PDS5A: variants seen among roughly 807,000 people sequenced by gnomAD.
The protein encoded by PDS5A is sister chromatid cohesion protein PDS5 homolog A.
Under a neutral mutation model 167.1 loss-of-function variants are expected in PDS5A, and 42 were observed. The ratio of observed to expected loss-of-function variants is 0.25; its 90% CI spans 0.20 to 0.33. PDS5A has a LOEUF of 0.33. Among genes scored for constraint, PDS5A ranks in the 10% least tolerant of loss-of-function variants. The pLI, the probability that PDS5A is intolerant of heterozygous loss-of-function variation, is 1.00. For missense variants in PDS5A, 1,033 were observed against 1,605.9 expected (o/e 0.64, Z 6.10); for synonymous variants, 553 against 554.6 (o/e 1.00, Z 0.04).
chr4:39,890,731 C>T (rs572320164), intron 16 of PDS5A, among the ~76,000 whole-genome samples: 1 of 152,248 alleles, frequency 6.6e-6, no homozygotes, highest in East Asian at 1.9e-4. Flanking sequence ...ATTCTCCTGC[C>T]TCAGGCTCCA....
intron 17 of PDS5A, among the ~76,000 whole-genome samples, chr4:39,889,829 ATCCTC>A (rs1721810821): frequency 2.0e-5 from 3 of 152,336 alleles, no homozygotes; most frequent in Admixed American, 2.0e-4. Flanking sequence ...CCTAAAGATA[ATCCTC>A]TCCTCTTTCC....
chr4:39,910,422 AT>A, intron 9 of PDS5A, 84 bp from the exon 10 acceptor site: 1 of 692,656 alleles, frequency 1.4e-6, no homozygotes, highest in Non-Finnish European at 2.5e-6. Context: ...GAAAATACTT[AT>A]ACGCAACAAT....
intron 26 of PDS5A, among the ~76,000 whole-genome samples, chr4:39,851,053 CAAT>C (rs1481711150): frequency 6.6e-6 from 1 of 152,078 alleles, no homozygotes; most frequent in Non-Finnish European, 1.5e-5. Context: ...TTGGTTGTTT[CAAT>C]AATATTTATT....
chr4:39,928,825 T>TAAAAAAAAAAAAAAAAAAAATAA (rs201886708), intron 2 of PDS5A, among the ~76,000 whole-genome samples: 1 of 139,378 alleles, frequency 7.2e-6, no homozygotes, highest in African/African-American at 2.7e-5. Flanking sequence ...ACACTGTCTT[T>TAAAAAAAAAAAAAAAAAAAATAA]AAAAAAAAAA....
At chr4:39,873,611 A>G (rs1341354029) in intron 20 of PDS5A, among the ~76,000 whole-genome samples, 1 of 152,086 alleles carries the variant, frequency 6.6e-6, no homozygotes, top group African/African-American at 2.4e-5. Flanking sequence ...TATATGTAAA[A>G]AAAAGGGAAA....
In PDS5A at chr4:39,890,353, G is replaced by A; in HGVS notation, c.1782C>T (p.Ala594=). 1 of 1,561,694 alleles carries A rather than the reference G, an allele frequency of 6.4e-7. No homozygotes were observed. Among genetic ancestry groups the A allele is most frequent in the African/African-American group, 1.3e-5 (1 of 74,278 alleles). The stretch of plus-strand genomic sequence containing the variant: ...GTTGCTTAGGATTTGCAAGTTTCCG[G>A]GCTATTTCTCTCTATAGAAAGAAAG... ...KQADICVREI[A]RKLANPKQPT... is the part of the protein sequence containing the mutation. The change falls in exon 17 of 33, where the codon GCC becomes GCT. Residue 594 remains alanine, a synonymous_variant. Transcript: ENST00000303538.
intron 2 of PDS5A, among the ~76,000 whole-genome samples, chr4:39,964,975 TA>T (rs1366394170): frequency 2.0e-5 from 3 of 152,072 alleles, no homozygotes; most frequent in African/African-American, 7.2e-5. Flanking sequence ...AATAATAATT[TA>T]AAAGTACACA....
intron 2 of PDS5A, among the ~76,000 whole-genome samples, chr4:39,931,030 G>A (rs1726010289): frequency 6.6e-6 from 1 of 152,180 alleles, no homozygotes; most frequent in African/African-American, 2.4e-5. Context: ...GAGAAGGGCT[G>A]GATGTGATGG....
At position 39,920,328 on chromosome 4, in the gene PDS5A, G is replaced by A; in HGVS notation, c.726C>T (p.Cys242=). The A allele has an allele frequency of 6.9e-7, 1 of 1,441,960 alleles. No homozygotes were observed. 89.3% of individuals were successfully genotyped at this position (1,441,960 alleles called of 1,614,324 possible). The change falls in exon 7 of 33, where the codon TGC becomes TGT. Residue 242 remains cysteine, a synonymous_variant. Transcript: ENST00000303538. ...LKRTVQTIEA[C]IANFFNQVLV... ...AGAAAGAAATACATACATTAGCAAT[G>A]CATGCCTCAATAGTCTGGACTGTTC...
chr4:39,897,619 G>A (rs925023164), intron 16 of PDS5A, among the ~76,000 whole-genome samples: 5 of 152,034 alleles, frequency 3.3e-5, no homozygotes, highest in East Asian at 1.9e-4. Context: ...GGCTGGTCTC[G>A]AACTCCCAAC....
chr4:39,955,295 T>C (rs917886409), intron 2 of PDS5A, among the ~76,000 whole-genome samples: 5 of 152,118 alleles, frequency 3.3e-5, no homozygotes, highest in African/African-American at 7.2e-5. Context: ...TGTTGTGATG[T>C]TGGTTTAGAA....
In PDS5A at chr4:39,838,059, C is replaced by T. The variant is rs781408731; in HGVS notation, c.3807G>A (p.Arg1269=). The change falls in exon 32 of 33, where the codon AGG becomes AGA. Residue 1269 remains arginine (R), a synonymous_variant. Transcript: ENST00000303538. ...ATTCAGACTTGGGTCGACGTCCTCT[C>T]CTGGGTTTGGAAGGGGCGGGAGGTC... ...ESGPPAPSKP[R]RGRRPKSESQ... 1.9e-6 allele frequency: 3 copies of T among 1,613,862 alleles called. No homozygotes were observed. Among genetic ancestry groups the T allele is most frequent in the East Asian group, 2.2e-5 (1 of 44,894 alleles).
chr4:39,880,738 G>A (rs1024918853), intron 17 of PDS5A, among the ~76,000 whole-genome samples: 4 of 152,018 alleles, frequency 2.6e-5, no homozygotes. Context: ...TATAATGCAT[G>A]GTGATCAGAT....
chr4:39,841,574 G>A (rs1418892723), intron 31 of PDS5A, among the ~76,000 whole-genome samples: 6 of 140,908 alleles, frequency 4.3e-5, no homozygotes, highest in Admixed American at 7.1e-5. Flanking sequence ...GTACAATGGC[G>A]TTATCTCAGC....
At chr4:39,911,727 G>A (rs1049067885) in intron 9 of PDS5A, among the ~76,000 whole-genome samples, 1 of 151,754 alleles carries the variant, frequency 6.6e-6, no homozygotes, top group Non-Finnish European at 1.5e-5. Flanking sequence ...AGCTGTTTGG[G>A]AGGCTGAGGC....
At chr4:39,896,047 TA>T (rs1228967367) in intron 16 of PDS5A, among the ~76,000 whole-genome samples, 2 of 148,304 alleles carry the variant, frequency 1.3e-5, no homozygotes, top group South Asian at 2.2e-4. Flanking sequence ...TTTTAGCTTT[TA>T]AAAAAATTTT....
At chr4:39,925,954 T>TCA in intron 4 of PDS5A, 21 bp from the exon 5 acceptor site, 1 of 862,364 alleles carries the variant, frequency 1.2e-6, no homozygotes, top group Non-Finnish European at 1.7e-6. Context: ...TAAAAATAAT[T>TCA]ATTGAATTAT....
chr4:39,891,541 G>A (rs957441106), intron 16 of PDS5A, among the ~76,000 whole-genome samples: 3 of 151,800 alleles, frequency 2.0e-5, no homozygotes, highest in South Asian at 2.1e-4. Flanking sequence ...CCAGCTACTC[G>A]GGAGGCTGAG....
chr4:39,969,017 C>T (rs969171654), intron 2 of PDS5A, among the ~76,000 whole-genome samples: 3 of 152,134 alleles, frequency 2.0e-5, no homozygotes, highest in Admixed American at 6.6e-5. Context: ...TCAGGTGATC[C>T]GCCCGCCTAG....
Sources: allele counts gnomAD v4.1 joint callset (sites outside exome capture counted in the v4.1 genomes callset), GRCh38; gene constraint gnomAD v4.1.1; transcripts MANE v1.5; gene names NCBI Gene and HGNC (gene_info 2026-07-23, HGNC 2026-07-21).